The following PPFIBP2 variants were observed in gnomAD, a reference collection of about 807,000 sequenced individuals.
PPFIBP2 encodes liprin-beta-2.
Under a neutral mutation model 118.3 loss-of-function variants are expected in PPFIBP2, and 118 were observed. The ratio of observed to expected loss-of-function variants is 1.00; its 90% CI spans 0.86 to 1.16. PPFIBP2 has a LOEUF of 1.16. Ranked by LOEUF, PPFIBP2 falls within the 50% of genes most tolerant of loss-of-function variation. The pLI is 0.00. For synonymous variants in PPFIBP2, 414 were observed against 397.4 expected, an observed-to-expected ratio of 1.04 and a Z score of -0.50; for missense variants, 1,195 against 1,073.1, an observed-to-expected ratio of 1.11 and a Z score of -1.59.
chr11:7,636,359 T>C (rs1358065866), intron 14 of PPFIBP2, among the ~76,000 whole-genome samples: 3 of 152,086 alleles, frequency 2.0e-5, no homozygotes, highest in African/African-American at 2.4e-5. Flanking sequence ...TCTGCATCTA[T>C]ATAAGGGGCT....
At chr11:7,542,400 T>C (rs1321180161) in intron 1 of PPFIBP2, among the ~76,000 whole-genome samples, 1 of 152,238 alleles carries the variant, frequency 6.6e-6, no homozygotes, top group African/African-American at 2.4e-5. Context: ...ATCTTTTTTA[T>C]TTCTTTTAAT....
chr11:7,531,176 T>G (rs1278259126), intron 1 of PPFIBP2, among the ~76,000 whole-genome samples: 1 of 152,188 alleles, frequency 6.6e-6, no homozygotes, highest in Non-Finnish European at 1.5e-5. Flanking sequence ...TCACTTTTCT[T>G]GGGAAAGTCC....
rs200134538 is a variant in PPFIBP2, at chr11:7,629,374, C to A, written c.889-85C>A. 187 of 1,313,934 alleles carry A rather than the reference C, an allele frequency of 1.4e-4. No individual in the cohort carries two copies. In the East Asian group the frequency reaches 4.1e-3, roughly 29 times the overall value. The allele number at this position is 1,313,934 out of a possible 1,614,324, so 81.4% of individuals were successfully genotyped here. A position where few individuals can be genotyped will look rare whatever the true frequency, so the allele number is the denominator to read the frequency against. ...CCACGTGGGATTTCTTCTCCTTGTGCCAAGAACATAGCGTGGGTTCCAAAA... is the reference window on the plus strand; with the variant it reads ...CCACGTGGGATTTCTTCTCCTTGTGACAAGAACATAGCGTGGGTTCCAAAA... On this transcript the variant is annotated intron_variant, in intron 9 of 23. Coordinates refer to ENST00000299492, the MANE Select transcript of PPFIBP2 (RefSeq NM_003621.5).
At chr11:7,605,767 G>T (rs1304468404) in intron 5 of PPFIBP2, 8 of 1,373,476 alleles carry the variant, frequency 5.8e-6, no homozygotes, top group Non-Finnish European at 7.5e-6. Flanking sequence ...GAGCAAGTGG[G>T]ACAGATGAAA....
At chr11:7,556,477 T>C (rs1221153262) in intron 2 of PPFIBP2, among the ~76,000 whole-genome samples, 1 of 152,210 alleles carries the variant, frequency 6.6e-6, no homozygotes, top group African/African-American at 2.4e-5. Flanking sequence ...ACTTGACTCT[T>C]AGAATGCTTT....
At chr11:7,648,590 G>A in intron 18 of PPFIBP2, 53 bp downstream of exon 18, 1 of 1,604,492 alleles carries the variant, frequency 6.2e-7, no homozygotes, top group African/African-American at 1.3e-5. Context: ...AAAGCATGGG[G>A]AGGCCAGGGT....
In PPFIBP2 at chr11:7,653,689, ATTGTG is replaced by A; in HGVS notation, c.*477_*481del. ...GGACTTCTGCCACAGTGACAATGGA[ATTGTG>A]TTGTGCCTTACTTCAGAGGTGGTCT... On this transcript the variant is annotated 3_prime_UTR_variant, in exon 24 of 24. Coordinates refer to ENST00000299492, the MANE Select transcript of PPFIBP2 (RefSeq NM_003621.5). 1.6e-6 allele frequency: 2 copies of A among 1,286,674 alleles called. No homozygotes were observed. The highest frequency in any genetic ancestry group is 2.0e-6 in the Non-Finnish European group (2 of 987,942). The allele number at this position is 1,286,674 out of a possible 1,614,324, so 79.7% of individuals were successfully genotyped here. A position where few individuals can be genotyped will look rare whatever the true frequency, so the allele number is the denominator to read the frequency against.
At chr11:7,568,210 A>G (rs1418308627) in intron 3 of PPFIBP2, among the ~76,000 whole-genome samples, 1 of 152,370 alleles carries the variant, frequency 6.6e-6, no homozygotes, top group Non-Finnish European at 1.5e-5. Flanking sequence ...GATGTAAACA[A>G]TAACAAGATA....
At chr11:7,515,231 G>C (rs1022758920) in intron 1 of PPFIBP2, among the ~76,000 whole-genome samples, 1 of 152,204 alleles carries the variant, frequency 6.6e-6, no homozygotes, top group African/African-American at 2.4e-5. Context: ...AGATGGGGAT[G>C]ATTGATGAGG....
At chr11:7,546,703 T>G (rs2134497922) in intron 1 of PPFIBP2, among the ~76,000 whole-genome samples, 1 of 152,380 alleles carries the variant, frequency 6.6e-6, no homozygotes, top group East Asian at 1.9e-4. Context: ...CATCAACCAT[T>G]TTGGCCTTTG....
chr11:7,626,745 A>G (rs1044027891), intron 8 of PPFIBP2, among the ~76,000 whole-genome samples: 13 of 152,196 alleles, frequency 8.5e-5, no homozygotes, highest in African/African-American at 2.9e-4. Context: ...ACACCTTTCA[A>G]CTTGTCCACT....
At chr11:7,534,405 T>C (rs1041972943) in intron 1 of PPFIBP2, among the ~76,000 whole-genome samples, 4 of 152,264 alleles carry the variant, frequency 2.6e-5, no homozygotes, top group African/African-American at 9.6e-5. Context: ...AAATATTCAC[T>C]TTGAGGTTGC....
chr11:7,629,449 ACT>A lies in PPFIBP2; in HGVS notation c.889-9_889-8del. Reference sequence around the variant, plus strand: ...AGCATTAATCTAAATCTCTACTTGCACTATGGCAGGACCGTCGGATAGAGGAG... The same window carrying A: ...AGCATTAATCTAAATCTCTACTTGCAATGGCAGGACCGTCGGATAGAGGAG... On this transcript the variant is annotated splice_region_variant and splice_polypyrimidine_tract_variant and intron_variant, in intron 9 of 23. Transcript: ENST00000299492. The A allele has an allele frequency of 6.2e-7, 1 of 1,613,468 alleles. No homozygotes were observed. The highest frequency in any genetic ancestry group is 8.5e-7 in the Non-Finnish European group (1 of 1,179,396).
intron 2 of PPFIBP2, among the ~76,000 whole-genome samples, chr11:7,564,966 C>G (rs1039852893): frequency 6.6e-6 from 1 of 152,138 alleles, no homozygotes; most frequent in Non-Finnish European, 1.5e-5. Context: ...AATGCACACA[C>G]AGGAATGGAA....
intron 5 of PPFIBP2, among the ~76,000 whole-genome samples, chr11:7,604,192 A>T (rs1424988782): frequency 1.3e-5 from 2 of 152,214 alleles, no homozygotes; most frequent in African/African-American, 4.8e-5. Context: ...CCAGCAAAGA[A>T]AATGGAGAAG....
At chr11:7,632,172 T>C (rs1850852357) in intron 11 of PPFIBP2, among the ~76,000 whole-genome samples, 1 of 152,226 alleles carries the variant, frequency 6.6e-6, no homozygotes, top group Non-Finnish European at 1.5e-5. Context: ...GTTCTTTCCT[T>C]TCTTGCCTTA....
intron 2 of PPFIBP2, among the ~76,000 whole-genome samples, chr11:7,562,737 G>T (rs576561643): frequency 2.0e-5 from 3 of 151,800 alleles, no homozygotes; most frequent in Non-Finnish European, 1.5e-5. Context: ...TTTCTGCCCT[G>T]TAACCTTATC....
intron 3 of PPFIBP2, among the ~76,000 whole-genome samples, chr11:7,579,375 C>T (rs1856927791): frequency 2.0e-5 from 3 of 152,304 alleles, no homozygotes; most frequent in South Asian, 4.1e-4. Flanking sequence ...GCCCCTAGGG[C>T]ATCACAGTCA....
At chr11:7,594,399 A>G (rs1228803471) in intron 4 of PPFIBP2, among the ~76,000 whole-genome samples, 1 of 152,212 alleles carries the variant, frequency 6.6e-6, no homozygotes, top group Non-Finnish European at 1.5e-5. Context: ...TTGGGTATCT[A>G]CAACTTGTGA....
Sources: gnomAD v4.1 joint callset for allele counts (sites outside exome capture counted in the v4.1 genomes callset) on GRCh38, gnomAD v4.1.1 for gene constraint, MANE v1.5 for transcripts, NCBI Gene and HGNC (gene_info 2026-07-23, HGNC 2026-07-21) for gene names.